Variants in ANKRD54 observed in about 807,000 individuals in gnomAD.
ANKRD54 encodes the protein ankyrin repeat domain-containing protein 54.
ANKRD54 carries 26 observed loss-of-function variants against 36.2 expected under a neutral mutation model. That is an observed-to-expected ratio of 0.72 (90% CI 0.53 to 1.00). The LOEUF is 1.00. Among genes scored for constraint, ANKRD54 ranks in the 50% least tolerant of loss-of-function variants. The pLI, the probability that ANKRD54 is intolerant of heterozygous loss-of-function variation, is 0.00. For synonymous variants in ANKRD54, 209 were observed against 188.4 expected, an observed-to-expected ratio of 1.11 and a Z score of -0.89; for missense variants, 384 against 424.3, an observed-to-expected ratio of 0.91 and a Z score of 0.83.
chr22:37,846,854 TTTC>T (rs1267236651), upstream of ANKRD54, among the ~76,000 whole-genome samples: 4 of 148,772 alleles, frequency 2.7e-5, no homozygotes, highest in African/African-American at 9.9e-5. Flanking sequence ...GGTAATTTCT[TTTC>T]TTTTTTTTTT....
chr22:37,835,418 A>T (rs1398685597), intron 3 of ANKRD54, among the ~76,000 whole-genome samples: 10 of 152,274 alleles, frequency 6.6e-5, no homozygotes, highest in Non-Finnish European at 2.9e-5. Context: ...ATCAAAGTAT[A>T]CCACTCAGAA....
intron 4 of ANKRD54, 103 bp downstream of exon 4, chr22:37,833,581 C>A: frequency 8.0e-7 from 1 of 1,245,438 alleles, no homozygotes; most frequent in South Asian, 1.3e-5. Context: ...TCTTCCCTGA[C>A]ACTCACAGTT....
Position 37,840,131 on chromosome 22 carries a change from T to C in ANKRD54, c.376+56A>G, listed in dbSNP as rs955662114. ...TCCCACATATTGATTACCTGGCCTT[T>C]TCCTTCCCCAACCAGCCCATGGGAC... is the stretch of plus-strand genomic sequence containing the variant. On this transcript the variant is annotated intron_variant, in intron 2 of 7. Transcript: ENST00000215941. 6.2e-6 allele frequency: 10 copies of C among 1,607,806 alleles called. No homozygotes were observed. The Admixed American group carries it at 6.7e-5, about 11-fold the overall frequency.
At chr22:37,839,457 C>T (rs980258647) in intron 2 of ANKRD54, among the ~76,000 whole-genome samples, 1 of 152,074 alleles carries the variant, frequency 6.6e-6, no homozygotes, top group Non-Finnish European at 1.5e-5. Flanking sequence ...GCGTCATCTC[C>T]GCTCACTGCA....
chr22:37,836,447 CAAAAAAAAAA>C (rs760828902), intron 3 of ANKRD54, among the ~76,000 whole-genome samples: 4 of 22,632 alleles, frequency 1.8e-4, no homozygotes, highest in East Asian at 3.1e-3. Context: ...AACTCTGTCT[CAAAAAAAAAA>C]AAAAAAAAAA....
At chr22:37,832,530 A>G (rs1280243453) in intron 7 of ANKRD54, 107 bp downstream of exon 7, 1 of 1,055,838 alleles carries the variant, frequency 9.5e-7, no homozygotes, top group Admixed American at 2.3e-5. Flanking sequence ...GGCTGGCCCC[A>G]GCCCACAGCC....
At chr22:37,845,107 C>T (rs1924759468), upstream of ANKRD54, among the ~76,000 whole-genome samples, 1 of 151,206 alleles carries the variant, frequency 6.6e-6, no homozygotes, top group African/African-American at 2.4e-5. Flanking sequence ...GATACCACTA[C>T]AAACTGTGAG....
At chr22:37,841,740 C>T (rs766450721) in intron 1 of ANKRD54, among the ~76,000 whole-genome samples, 7 of 150,168 alleles carry the variant, frequency 4.7e-5, no homozygotes, top group African/African-American at 4.9e-5. Context: ...CCCAACTACT[C>T]AGGAGGCTAA....
chr22:37,839,382 T>G (rs1471707693), intron 2 of ANKRD54, among the ~76,000 whole-genome samples: 3 of 152,146 alleles, frequency 2.0e-5, no homozygotes, highest in Non-Finnish European at 4.4e-5. Context: ...TAAAAAATTT[T>G]TTTCTTATGT....
At position 37,832,006 on chromosome 22, in the gene ANKRD54, C is replaced by A. The variant is rs1171263804; in HGVS notation, c.840G>T (p.Val280=). 4.3e-6 allele frequency: 7 copies of A among 1,613,098 alleles called. No homozygotes were observed. The highest frequency in any genetic ancestry group is 5.9e-6 in the Non-Finnish European group (7 of 1,179,652). The change falls in exon 8 of 8, where the codon GTG becomes GTT. Residue 280 remains valine, a synonymous_variant. Transcript: ENST00000215941. ...AGGTGAAGCTGGCCAGGAGGTCAGT[C>A]ACTTCATCCACCTGCAGGACGGAAC... ...MTSTKEQVDE[V]TDLLASFTSL... is the part of the protein sequence containing the mutation.
In ANKRD54 at chr22:37,831,794, GC is replaced by G; in HGVS notation, c.*148del. On this transcript the variant is annotated 3_prime_UTR_variant, in exon 8 of 8. Transcript: ENST00000215941. ...GTGGCTCTGAGGCCGTGGAGAGAGAGCATCTCTGCCCCACGGCATCTGCGGG... is the reference window on the plus strand; with the variant it reads ...GTGGCTCTGAGGCCGTGGAGAGAGAGATCTCTGCCCCACGGCATCTGCGGG... 1.4e-6 allele frequency: 1 copy of G among 714,498 alleles called. No homozygotes were observed. The highest frequency in any genetic ancestry group is 2.7e-5 in the East Asian group (1 of 36,432). The allele number at this position is 714,498 out of a possible 1,614,324, so 44.3% of individuals were successfully genotyped here.
Position 37,843,978 on chromosome 22 carries a change from G to T in ANKRD54, c.261C>A (p.Pro87=). The T allele has an allele frequency of 7.1e-7, 1 of 1,417,674 alleles. No individual in the cohort carries two copies. Among genetic ancestry groups the T allele is most frequent in the Non-Finnish European group, 9.2e-7 (1 of 1,088,368 alleles). The allele number at this position is 1,417,674 out of a possible 1,614,324, so 87.8% of individuals were successfully genotyped here. A position where few individuals can be genotyped will look rare whatever the true frequency, so the allele number is the denominator to read the frequency against. Residue 87 remains proline, a synonymous_variant, in exon 1 of 8, where the codon CCC becomes CCA. Transcript: ENST00000215941. ...TGGCAGCGCGCCTCAGCCGGCCAGCGGGTATCTTGCAGCGCAGCTCGTCGC... is the reference window on the plus strand; with the variant it reads ...TGGCAGCGCGCCTCAGCCGGCCAGCTGGTATCTTGCAGCGCAGCTCGTCGC... ...EPRDELRCKI[P]AGRLRRAARP...
At chr22:37,836,833 A>C (rs1412545925) in intron 3 of ANKRD54, among the ~76,000 whole-genome samples, 5 of 152,058 alleles carry the variant, frequency 3.3e-5, no homozygotes, top group African/African-American at 9.7e-5. Flanking sequence ...GTTTGTGACT[A>C]GCCTGGCCAA....
At chr22:37,844,338 G>C (rs754822660), upstream of ANKRD54, 11 of 1,361,994 alleles carry the variant, frequency 8.1e-6, no homozygotes, top group Non-Finnish European at 1.1e-5. Context: ...GCGAGCTGGC[G>C]GGCGGGCAGG....
At chr22:37,835,902 C>T (rs938140876) in intron 3 of ANKRD54, among the ~76,000 whole-genome samples, 16 of 152,224 alleles carry the variant, frequency 1.1e-4, no homozygotes, top group South Asian at 2.1e-4. Context: ...TGCAGTCACG[C>T]GATCTCGGCT....
chr22:37,844,183 G>C lies in ANKRD54; in HGVS notation c.56C>G (p.Ser19Trp), dbSNP rs1924657177. ...DDEPRSGHSS[S>W]EGECAVAPEP... ...CGGCGCCACCGCGCACTCGCCCTCC[G>C]AGCTCGAGTGGCCTGAGCGCGGCTC... is the stretch of plus-strand genomic sequence containing the variant. Residue 19 changes from serine (S) to tryptophan (W), a missense_variant, in exon 1 of 8, where the codon TCG becomes TGG. This residue lies in a region of ANKRD54 where 195 missense variants were observed against 177.7 expected (regional missense o/e 1.10). Coordinates refer to ENST00000215941, the MANE Select transcript of ANKRD54 (RefSeq NM_138797.4). 1.3e-6 allele frequency: 2 copies of C among 1,510,988 alleles called. No homozygotes were observed. The highest frequency in any genetic ancestry group is 2.7e-5 in the East Asian group (1 of 36,640). 93.6% of individuals were successfully genotyped at this position (1,510,988 alleles called of 1,614,324 possible).
chr22:37,844,580 A>G, upstream of ANKRD54: 1 of 287,484 alleles, frequency 3.5e-6, no homozygotes, highest in Non-Finnish European at 6.5e-6. Context: ...AGCCAGTAAA[A>G]CAGCATTTCA....
rs2145993413 is a variant in ANKRD54 at position 37,844,131 on chromosome 22, G to A, written c.108C>T (p.Leu36=). ...CAGACCCGAAGTCAGCGAAGGAGAAGAGGCCCTCAGCGTCAGTCAGCGGCT... is the reference window on the plus strand; with the variant it reads ...CAGACCCGAAGTCAGCGAAGGAGAAAAGGCCCTCAGCGTCAGTCAGCGGCT... ...APEPLTDAEG[L]FSFADFGSAL... Residue 36 remains leucine (L), a synonymous_variant, in exon 1 of 8, where the codon CTC becomes CTT. Coordinates refer to ENST00000215941, the MANE Select transcript of ANKRD54 (RefSeq NM_138797.4). 2.0e-6 allele frequency: 3 copies of A among 1,494,576 alleles called. No individual in the cohort carries two copies. The highest frequency in any genetic ancestry group is 1.8e-6 in the Non-Finnish European group (2 of 1,129,206). 92.6% of individuals were successfully genotyped at this position (1,494,576 alleles called of 1,614,324 possible).
chr22:37,847,733 C>T (rs1338629982), upstream of ANKRD54: 1 of 427,642 alleles, frequency 2.3e-6, no homozygotes, highest in Non-Finnish European at 4.7e-6. Context: ...TGTGACTCTT[C>T]CTTGGTTCAG....
Sources: allele counts gnomAD v4.1 joint callset (sites outside exome capture counted in the v4.1 genomes callset), GRCh38; gene constraint gnomAD v4.1.1; regional missense constraint gnomAD v4.1.1; transcripts MANE v1.5; gene names NCBI Gene and HGNC (gene_info 2026-07-23, HGNC 2026-07-21).